Variants in PHTF2 observed in about 807,000 individuals in gnomAD.
PHTF2 encodes the protein protein PHTF2.
Under a neutral mutation model 101.2 loss-of-function variants are expected in PHTF2, and 60 were observed. The observed-to-expected ratio is 0.59, with a 90% CI of 0.48 to 0.73. The LOEUF (loss-of-function observed/expected upper bound fraction) is 0.73. Ranked by LOEUF, PHTF2 falls within the 30% of genes least tolerant of loss-of-function variation. PHTF2 has a pLI of 0.00. For missense variants in PHTF2, 747 were observed against 908.7 expected (o/e 0.82, Z 2.29); for synonymous variants, 311 against 307.3 (o/e 1.01, Z -0.13).
intron 1 of PHTF2, among the ~76,000 whole-genome samples, chr7:77,834,111 T>G (rs1351811652): frequency 6.6e-6 from 1 of 151,822 alleles, no homozygotes; most frequent in African/African-American, 2.4e-5. Context: ...AAAAGTGCAT[T>G]TTTCCAGCCT....
intron 9 of PHTF2, among the ~76,000 whole-genome samples, chr7:77,913,386 T>TG (rs1362534256): frequency 3.9e-4 from 54 of 137,654 alleles, no homozygotes; most frequent in African/African-American, 1.3e-3. Flanking sequence ...AGACTCTGTC[T>TG]GAAAAAAAAA....
chr7:77,822,254 C>G (rs759085958), intron 1 of PHTF2, among the ~76,000 whole-genome samples: 1 of 152,214 alleles, frequency 6.6e-6, no homozygotes, highest in Middle Eastern at 3.4e-3. Flanking sequence ...GAGTCACAGC[C>G]GATCCTGGGC....
chr7:77,922,536 G>T (rs113596276), intron 10 of PHTF2, 87 bp from the exon 10 acceptor site: 2 of 993,876 alleles, frequency 2.0e-6, no homozygotes, highest in African/African-American at 1.6e-5. Flanking sequence ...GTGTATATAT[G>T]TATGTGTAAT....
intron 3 of PHTF2, among the ~76,000 whole-genome samples, chr7:77,856,129 A>G (rs1797161448): frequency 6.6e-6 from 1 of 152,156 alleles, no homozygotes; most frequent in East Asian, 1.9e-4. Flanking sequence ...TATAGTGTGC[A>G]CACCCAGCTA....
At chr7:77,939,235 C>G (rs1010701778) in intron 13 of PHTF2, among the ~76,000 whole-genome samples, 5 of 152,002 alleles carry the variant, frequency 3.3e-5, no homozygotes, top group African/African-American at 1.2e-4. Context: ...TTAATTTCTT[C>G]TTCCTTCTAT....
At chr7:77,832,887 C>T (rs879727283) in intron 1 of PHTF2, among the ~76,000 whole-genome samples, 1 of 152,088 alleles carries the variant, frequency 6.6e-6, no homozygotes, top group Non-Finnish European at 1.5e-5. Context: ...ATCCCCCCTA[C>T]CCTGGCCATG....
chr7:77,840,643 T>C (rs1795795010), intron 2 of PHTF2, among the ~76,000 whole-genome samples: 1 of 152,098 alleles, frequency 6.6e-6, no homozygotes, highest in South Asian at 2.1e-4. Flanking sequence ...TCAATAGTTT[T>C]TAATTTGTTT....
chr7:77,833,843 A>G (rs1012519629), intron 1 of PHTF2, among the ~76,000 whole-genome samples: 15 of 152,044 alleles, frequency 9.9e-5, no homozygotes, highest in African/African-American at 3.6e-4. Flanking sequence ...ATTAAATAAG[A>G]TATTTTTTAT....
At chr7:77,911,398 GTAT>G (rs751868510) in intron 9 of PHTF2, among the ~76,000 whole-genome samples, 3 of 151,550 alleles carry the variant, frequency 2.0e-5, no homozygotes, top group Non-Finnish European at 4.4e-5. Flanking sequence ...ACTCAAGCTT[GTAT>G]TATTATTATT....
exon 10 of PHTF2, chr7:77,920,452 A>G: frequency 6.2e-7 from 1 of 1,612,432 alleles, no homozygotes; most frequent in Non-Finnish European, 8.5e-7. Flanking sequence ...ACACTGAGGA[A>G]TGGTCCTAGC....
At chr7:77,939,589 C>CAAAAAA (rs914007792) in intron 13 of PHTF2, among the ~76,000 whole-genome samples, 2 of 75,080 alleles carry the variant, frequency 2.7e-5, no homozygotes, top group South Asian at 4.8e-4. Flanking sequence ...GACCCTGTCT[C>CAAAAAA]AAAAAAAAAA....
chr7:77,926,411 T>C (rs1484252228), intron 11 of PHTF2, among the ~76,000 whole-genome samples: 1 of 152,200 alleles, frequency 6.6e-6, no homozygotes, highest in Non-Finnish European at 1.5e-5. Flanking sequence ...CATTTTCTTC[T>C]CTTTTGAAAG....
At chr7:77,898,294 A>G (rs1348706478) in intron 5 of PHTF2, among the ~76,000 whole-genome samples, 1 of 152,158 alleles carries the variant, frequency 6.6e-6, no homozygotes, top group East Asian at 1.9e-4. Context: ...GATTAGTCAG[A>G]AGACATTGGC....
At chr7:77,867,880 T>C (rs1364362722) in intron 3 of PHTF2, among the ~76,000 whole-genome samples, 1 of 152,226 alleles carries the variant, frequency 6.6e-6, no homozygotes, top group Non-Finnish European at 1.5e-5. Context: ...TCTTTTGTTT[T>C]AGTAGATTGA....
chr7:77,816,184 C>T (rs1022910903), intron 1 of PHTF2, among the ~76,000 whole-genome samples: 4 of 152,030 alleles, frequency 2.6e-5, no homozygotes, highest in Admixed American at 1.3e-4. Flanking sequence ...AAGTGATTCT[C>T]GTGCCTCAGT....
At chr7:77,872,869 A>G (rs753937858) in intron 3 of PHTF2, among the ~76,000 whole-genome samples, 2 of 152,162 alleles carry the variant, frequency 1.3e-5, no homozygotes, top group African/African-American at 4.8e-5. Flanking sequence ...AGACATTTCT[A>G]GCTCACTCAG....
intron 1 of PHTF2, among the ~76,000 whole-genome samples, chr7:77,838,831 G>T (rs1409519544): frequency 6.6e-6 from 1 of 152,148 alleles, no homozygotes; most frequent in Non-Finnish European, 1.5e-5. Flanking sequence ...AATTTGATCA[G>T]TTAGAGTCAC....
intron 18 of PHTF2, among the ~76,000 whole-genome samples, chr7:77,952,341 A>G (rs182101023): frequency 2.4e-4 from 36 of 152,258 alleles, no homozygotes; most frequent in African/African-American, 7.7e-4. Flanking sequence ...TTTTCAGAGA[A>G]TGGTATGAAA....
intron 11 of PHTF2, 143 bp from the exon 11 acceptor site, chr7:77,928,966 T>C: frequency 1.7e-6 from 1 of 595,710 alleles, no homozygotes; most frequent in South Asian, 2.2e-5. Context: ...TAATATATTT[T>C]GTAATGTTTT....
Sources: allele counts gnomAD v4.1 joint callset (sites outside exome capture counted in the v4.1 genomes callset), GRCh38; gene constraint gnomAD v4.1.1; transcripts MANE v1.5; gene names NCBI Gene and HGNC (gene_info 2026-07-23, HGNC 2026-07-21).